WBP11: variants seen among roughly 807,000 people sequenced by gnomAD.
WBP11 encodes the protein WW domain-binding protein 11.
Under a neutral mutation model 66.7 loss-of-function variants are expected in WBP11, and 12 were observed. That is an observed-to-expected ratio of 0.18 (90% CI 0.12 to 0.29). The LOEUF (loss-of-function observed/expected upper bound fraction) is 0.29. WBP11 is among the 10% of genes least tolerant of loss of function. The probability of loss-of-function intolerance (pLI) is 1.00; values close to 1 mark genes in which losing one functional copy is unlikely to be tolerated. For synonymous variants in WBP11, 255 were observed against 273.8 expected (o/e 0.93, Z 0.68); for missense variants, 555 against 818.3 (o/e 0.68, Z 3.93).
At chr12:14,799,596 G>A (rs372919445) in intron 4 of WBP11, 39 bp downstream of exon 4, 50 of 1,588,946 alleles carry the variant, frequency 3.1e-5, no homozygotes, top group African/African-American at 2.0e-4. Flanking sequence ...GCCTCTGTAC[G>A]TGTCAGACTG....
rs1949730960 is a variant in WBP11, at chr12:14,784,583, AT to A, written c.*2481del. 6.6e-6 allele frequency: 1 copy of A among 152,182 alleles called. No homozygotes were observed. The highest frequency in any genetic ancestry group is 1.5e-5 in the Non-Finnish European group (1 of 68,014). 9.4% of individuals were successfully genotyped at this position (152,182 alleles called of 1,614,324 possible). A position where few individuals can be genotyped will look rare whatever the true frequency, so the allele number is the denominator to read the frequency against. ...TACTTATAAATAACCCTTCCCAGCT[AT>A]ATATAAGGAGATATTTTAATCAAGA... is the stretch of plus-strand genomic sequence containing the variant. On this transcript the variant is annotated 3_prime_UTR_variant, in exon 12 of 12. Coordinates refer to ENST00000261167, the MANE Select transcript of WBP11 (RefSeq NM_016312.3).
chr12:14,802,021 T>A (rs997575033), intron 1 of WBP11: 9 of 152,058 alleles, frequency 5.9e-5, no homozygotes, highest in African/African-American at 2.2e-4. Context: ...CTCTCAAGAG[T>A]TCAAAACACA....
chr12:14,795,053 C>T lies in WBP11; in HGVS notation c.439G>A (p.Ala147Thr). The change falls in exon 6 of 12, where the codon GCT becomes ACT. Residue 147 changes from alanine (A) to threonine (T), a missense_variant. Ala to Thr is a moderately conservative substitution (Grantham distance 58, BLOSUM62 0). This residue lies in a region of WBP11 where 220 missense variants were observed against 268.2 expected (regional missense o/e 0.82). Coordinates refer to ENST00000261167, the MANE Select transcript of WBP11 (RefSeq NM_016312.3). ...TCCTGGATCAAAATGTTGGAAGGAG[C>T]ATGTGGCATATCTGGCAAAGGAATA... The part of the protein sequence containing the change: ...ESIPLPDMPH[A>T]PSNILIQDIP... 6 of 1,613,090 alleles carry T rather than the reference C, an allele frequency of 3.7e-6. No individual in the cohort carries two copies. The highest frequency in any genetic ancestry group is 5.1e-6 in the Non-Finnish European group (6 of 1,179,944).
At chr12:14,801,154 T>C in intron 2 of WBP11, 166 bp downstream of exon 2, 1 of 549,398 alleles carries the variant, frequency 1.8e-6, no homozygotes, top group Non-Finnish European at 3.1e-6. Context: ...GGTACTAATT[T>C]CTTTGCATAT....
At chr12:14,790,126 CA>C (rs1282457868) in intron 10 of WBP11, among the ~76,000 whole-genome samples, 2 of 152,208 alleles carry the variant, frequency 1.3e-5, no homozygotes, top group African/African-American at 4.8e-5. Flanking sequence ...CACCTGCTGC[CA>C]ATTTAGAGCT....
rs1337000628 is a variant in WBP11, at chr12:14,794,524, A to G, written c.721+13T>C. The G allele has an allele frequency of 1.2e-6, 2 of 1,613,024 alleles. No individual in the cohort carries two copies. Among genetic ancestry groups the G allele is most frequent in the African/African-American group, 2.7e-5 (2 of 75,002 alleles). On this transcript the variant is annotated intron_variant, in intron 7 of 11. Transcript: ENST00000261167. Reference sequence around the variant, plus strand: ...ATGATAGTTATAAAAGCAAAAGAACAGTCACTTCTCACCAAGTTCAGGACT... The same window carrying G: ...ATGATAGTTATAAAAGCAAAAGAACGGTCACTTCTCACCAAGTTCAGGACT...
rs919315515 is a variant in WBP11 at position 14,796,079 on chromosome 12, G to T, written c.387+728C>A. 6.6e-6 allele frequency among the ~76,000 whole-genome samples: 1 copy of T among 151,622 alleles called. No homozygotes were observed. The highest frequency in any genetic ancestry group is 2.4e-5 in the African/African-American group (1 of 41,240). On this transcript the variant is annotated intron_variant, in intron 5 of 11. Coordinates refer to ENST00000261167, the MANE Select transcript of WBP11 (RefSeq NM_016312.3). This position sits in a 1 kb window ranked among gnomAD's most constrained non-coding sequence, Gnocchi z 4.5. ...AACCACGGCTACATTTTTTTTTCCTGCACAGATTATCTGTGACTATTCTAG... is the reference window on the plus strand; with the variant it reads ...AACCACGGCTACATTTTTTTTTCCTTCACAGATTATCTGTGACTATTCTAG...
chr12:14,788,820 C>T (rs1017451381), intron 11 of WBP11, 131 bp downstream of exon 11: 13 of 494,868 alleles, frequency 2.6e-5, no homozygotes, highest in East Asian at 7.1e-5. Flanking sequence ...GCCAGGTCAA[C>T]GGCAACTTAA....
rs748692229 is a variant in WBP11, at chr12:14,787,516, G to A, written c.1493-18C>T. The A allele has an allele frequency of 1.3e-6, 2 of 1,486,456 alleles. No homozygotes were observed. Among genetic ancestry groups the A allele is most frequent in the East Asian group, 4.6e-5 (2 of 43,654 alleles). The allele number at this position is 1,486,456 out of a possible 1,614,324, so 92.1% of individuals were successfully genotyped here. On this transcript the variant is annotated intron_variant, in intron 11 of 11. Coordinates refer to ENST00000261167, the MANE Select transcript of WBP11 (RefSeq NM_016312.3). ...AGGAATACCTAAATGAATAAAATAGGCAAGATGAATACTGTAAGAACTAAT... is the reference window on the plus strand; with the variant it reads ...AGGAATACCTAAATGAATAAAATAGACAAGATGAATACTGTAAGAACTAAT...
chr12:14,784,655 A>G lies in WBP11; in HGVS notation c.*2410T>C, dbSNP rs1481745066. The G allele has an allele frequency of 6.6e-6, 1 of 152,218 alleles. No individual in the cohort carries two copies. The highest frequency in any genetic ancestry group is 1.5e-5 in the Non-Finnish European group (1 of 68,042). The allele number at this position is 152,218 out of a possible 1,614,324, so 9.4% of individuals were successfully genotyped here. On this transcript the variant is annotated 3_prime_UTR_variant, in exon 12 of 12. Transcript: ENST00000261167. Reference sequence around the variant, plus strand: ...AATGAGAACTGAAACAGAATCTTGGATAGCATCCAGGGCTTCATGCTGATT... The same window carrying G: ...AATGAGAACTGAAACAGAATCTTGGGTAGCATCCAGGGCTTCATGCTGATT...
chr12:14,792,540 T>C (rs1949832488), intron 8 of WBP11, among the ~76,000 whole-genome samples: 1 of 136,772 alleles, frequency 7.3e-6, no homozygotes, highest in Non-Finnish European at 1.7e-5. Flanking sequence ...TGAGAATATA[T>C]AAGAAAAATC....
intron 11 of WBP11, among the ~76,000 whole-genome samples, chr12:14,788,528 A>C (rs1027888842): frequency 2.0e-5 from 3 of 152,146 alleles, no homozygotes; most frequent in African/African-American, 7.2e-5. Flanking sequence ...TATTCACATG[A>C]AACTGGGACA....
rs746307791 is a variant in WBP11, at chr12:14,800,787, T to C, written c.65-4A>G. On this transcript the variant is annotated splice_region_variant and splice_polypyrimidine_tract_variant and intron_variant, in intron 2 of 11. Transcript: ENST00000261167. ...TCTCTCTTCCGGGCTTCCTTTCCTT[T>C]AAAAGGAGAGAGGGAGATATAATAA... 1.9e-6 allele frequency: 3 copies of C among 1,602,422 alleles called. No homozygotes were observed. The South Asian group carries it at 3.3e-5, about 18-fold the overall frequency.
chr12:14,801,784 G>T, intron 1 of WBP11: 1 of 165,650 alleles, frequency 6.0e-6, no homozygotes, highest in Non-Finnish European at 1.3e-5. Context: ...GAATTCATTA[G>T]TCCTTCTTCT....
At position 14,790,473 on chromosome 12, in the gene WBP11, G is replaced by A. The variant is rs1949807928; in HGVS notation, c.1292C>T (p.Pro431Leu). ...GTGTTTACCTGGAGGTGGACCAGGA[G>A]GAAGGCCTGTAGGTGGCCCAGGAGG... is the stretch of plus-strand genomic sequence containing the variant. The part of the protein sequence containing the change: ...LRPPGPPTGL[P>L]PGPPPGAPPF... The change falls in exon 10 of 12, where the codon CCT (proline) becomes CTT (leucine). Residue 431 changes from proline to leucine, a missense_variant. Physicochemically the swap from Pro to Leu is moderately conservative, Grantham distance 98. This residue lies in a region of WBP11 where 230 missense variants were observed against 286.3 expected (regional missense o/e 0.80). Coordinates refer to ENST00000261167, the MANE Select transcript of WBP11 (RefSeq NM_016312.3). 6.2e-7 allele frequency: 1 copy of A among 1,613,884 alleles called. No homozygotes were observed. Among genetic ancestry groups the A allele is most frequent in the African/African-American group, 1.3e-5 (1 of 75,060 alleles).
chr12:14,800,327 C>T (rs954033478), intron 3 of WBP11, among the ~76,000 whole-genome samples: 2 of 151,584 alleles, frequency 1.3e-5, no homozygotes, highest in Non-Finnish European at 2.9e-5. Flanking sequence ...ATATATAAAT[C>T]TAATATATCT....
chr12:14,795,000 G>C lies in WBP11; in HGVS notation c.492C>G (p.Pro164=), dbSNP rs1184231560. The C allele has an allele frequency of 3.1e-6, 5 of 1,612,358 alleles. No homozygotes were observed. The highest frequency in any genetic ancestry group is 2.2e-5 in the East Asian group (1 of 44,872). ...QDIPLPGAQP[P]SILKKTSAYG... ...AGGCTGAGGTTTTCTTTAGGATAGA[G>C]GGTGGCTGGGCACCAGGAAGTGGAA... The change falls in exon 6 of 12, where the codon CCC becomes CCG. Residue 164 remains proline (P), a synonymous_variant. Coordinates refer to ENST00000261167, the MANE Select transcript of WBP11 (RefSeq NM_016312.3).
intron 4 of WBP11, among the ~76,000 whole-genome samples, chr12:14,798,696 C>T (rs1221531757): frequency 1.3e-5 from 2 of 151,858 alleles, no homozygotes; most frequent in Non-Finnish European, 2.9e-5. Context: ...TTTTTTTGTA[C>T]CCCATTTAAT....
Position 14,787,232 on chromosome 12 carries a change from G to A in WBP11, c.1759C>T (p.Arg587Trp). ...GCAGCAGTAGCCCCTTTATTCTCCCGACGTACTCTCAGTGCAGTGGGCACA... is the reference window on the plus strand; with the variant it reads ...GCAGCAGTAGCCCCTTTATTCTCCCAACGTACTCTCAGTGCAGTGGGCACA... ...RFVPTALRVR[R>W]ENKGATAAPQ... Residue 587 changes from arginine to tryptophan, a missense_variant, in exon 12 of 12, where the codon CGG becomes TGG. Physicochemically the swap from Arg to Trp is moderately radical, Grantham distance 101 (BLOSUM62 -3). Transcript: ENST00000261167. 1 of 1,614,156 alleles carries A rather than the reference G, an allele frequency of 6.2e-7. No homozygotes were observed.
Sources: gnomAD v4.1 joint callset for allele counts (sites outside exome capture counted in the v4.1 genomes callset) on GRCh38, gnomAD v4.1.1 for gene constraint, gnomAD v4.1.1 regional missense constraint, Gnocchi (gnomAD v3.1) non-coding constraint, MANE v1.5 for transcripts, NCBI Gene and HGNC (gene_info 2026-07-23, HGNC 2026-07-21) for gene names.